POLE: variants seen among roughly 807,000 people sequenced by gnomAD.
POLE encodes the protein DNA polymerase epsilon catalytic subunit A.
POLE carries 188 observed loss-of-function variants against 279.2 expected under a neutral mutation model. The ratio of observed to expected loss-of-function variants is 0.67; its 90% CI spans 0.60 to 0.76. POLE has a LOEUF of 0.76. Ranked by LOEUF, POLE falls within the 30% of genes least tolerant of loss-of-function variation. The probability of loss-of-function intolerance (pLI) is 0.00; values close to 1 mark genes in which losing one functional copy is unlikely to be tolerated. For synonymous variants in POLE, 1,214 were observed against 1,172.5 expected, an observed-to-expected ratio of 1.04 and a Z score of -0.72; for missense variants, 2,703 against 3,016.7, an observed-to-expected ratio of 0.90 and a Z score of 2.44.
chr12:132,668,225 A>T lies in POLE; in HGVS notation c.2173+131T>A. The T allele has an allele frequency of 9.8e-7, 1 of 1,015,254 alleles. No individual in the cohort carries two copies. Among genetic ancestry groups the T allele is most frequent in the Non-Finnish European group, 1.4e-6 (1 of 712,940 alleles). 62.9% of individuals were successfully genotyped at this position (1,015,254 alleles called of 1,614,324 possible). ...GTGAGAGCACAGCTTACAGTGACCT[A>T]GAGCAGCTTCTGGTCTGCTGTGACA... On this transcript the variant is annotated intron_variant, in intron 19 of 48. Coordinates refer to ENST00000320574, the MANE Select transcript of POLE (RefSeq NM_006231.4). The surrounding 1 kb of genome is among the most constrained non-coding windows in gnomAD (Gnocchi z 4.0).
intron 29 of POLE, among the ~76,000 whole-genome samples, chr12:132,654,687 G>A (rs1345002838): frequency 6.6e-6 from 1 of 152,176 alleles, no homozygotes; most frequent in Non-Finnish European, 1.5e-5. Flanking sequence ...AGCTATGCAG[G>A]AGGCTGAGGC....
intron 39 of POLE, 85 bp downstream of exon 39, chr12:132,641,562 C>G (rs1180649378): frequency 2.6e-6 from 3 of 1,168,092 alleles, no homozygotes; most frequent in Non-Finnish European, 3.7e-6. Context: ...CCCAATGGAC[C>G]CTGTCTTAGA....
intron 30 of POLE, 53 bp from the exon 31 acceptor site, chr12:132,649,568 C>T (rs990871940): frequency 6.9e-5 from 111 of 1,599,210 alleles, no homozygotes; most frequent in Middle Eastern, 5.9e-4. Flanking sequence ...TGGGAATGCC[C>T]GCCATGACTT....
intron 16 of POLE, among the ~76,000 whole-genome samples, chr12:132,670,398 C>T (rs903791539): frequency 1.3e-5 from 2 of 151,510 alleles, no homozygotes; most frequent in Admixed American, 6.6e-5. Context: ...CGTCTCGCCA[C>T]CACGCCTGGG....
intron 25 of POLE, 82 bp from the exon 26 acceptor site, chr12:132,659,591 A>G (rs2042634542): frequency 8.4e-7 from 1 of 1,194,314 alleles, no homozygotes; most frequent in Non-Finnish European, 1.2e-6. Flanking sequence ...CCTCTAGGCC[A>G]TGCCCTTCTC....
chr12:132,658,379 C>T lies in POLE; in HGVS notation c.3276-409G>A, dbSNP rs5744878. 1.7e-4 allele frequency: 30 copies of T among 176,098 alleles called. No individual in the cohort carries two copies. The East Asian group carries it at 3.1e-3, about 18-fold the overall frequency. 10.9% of individuals were successfully genotyped at this position (176,098 alleles called of 1,614,324 possible). ...GTGCATGCACATACATAAACGCATG[C>T]GTGCGTAAACATGTCTACGTTTCTG... On this transcript the variant is annotated intron_variant, in intron 26 of 48. Transcript: ENST00000320574.
At chr12:132,672,923 T>C (rs747250329) in intron 14 of POLE, 84 bp from the exon 15 acceptor site, 6 of 1,272,812 alleles carry the variant, frequency 4.7e-6, no homozygotes, top group Non-Finnish European at 5.6e-6. Flanking sequence ...TAAGCTGAAC[T>C]TCAGTGTGAA....
chr12:132,642,147 C>A, intron 38 of POLE, 30 bp downstream of exon 38: 2 of 1,488,966 alleles, frequency 1.3e-6, no homozygotes, highest in Non-Finnish European at 9.1e-7. Context: ...CCAGCCAGGT[C>A]TCATGGGCCT....
At chr12:132,628,881 A>G (rs1593701931) in intron 45 of POLE, among the ~76,000 whole-genome samples, 2 of 152,086 alleles carry the variant, frequency 1.3e-5, no homozygotes, top group South Asian at 4.2e-4. Context: ...GTCAGAATCA[A>G]CTTCTTCCAC....
At chr12:132,638,230 G>T (rs1251865171) in intron 40 of POLE, 91 bp from the exon 41 acceptor site, 1 of 1,251,420 alleles carries the variant, frequency 8.0e-7, no homozygotes, top group Non-Finnish European at 1.1e-6. Context: ...AAAGAGCTGA[G>T]GGTCCTGAAG....
chr12:132,629,891 A>G (rs1278932671), intron 45 of POLE, among the ~76,000 whole-genome samples: 2 of 152,202 alleles, frequency 1.3e-5, no homozygotes, highest in Admixed American at 6.5e-5. Flanking sequence ...CTCTTTATGT[A>G]AAGTGAGAGA....
Position 132,634,064 on chromosome 12 carries a change from G to T in POLE, c.6004+122C>A. ...CGGCTCACAAAGTCCCAACTGCTGG[G>T]CAGGCTCCGCCCGATCTGATTTTCC... On this transcript the variant is annotated intron_variant, in intron 43 of 48. Coordinates refer to ENST00000320574, the MANE Select transcript of POLE (RefSeq NM_006231.4). The surrounding 1 kb of genome is among the most constrained non-coding windows in gnomAD (Gnocchi z 4.0). 1 of 899,622 alleles carries T rather than the reference G, an allele frequency of 1.1e-6. No homozygotes were observed. Among genetic ancestry groups the T allele is most frequent in the Non-Finnish European group, 1.7e-6 (1 of 583,344 alleles). The allele number at this position is 899,622 out of a possible 1,614,324, so 55.7% of individuals were successfully genotyped here.
chr12:132,651,727 C>T lies in POLE; in HGVS notation c.3583-1838G>A, dbSNP rs2042426722. On this transcript the variant is annotated intron_variant, in intron 29 of 48. Coordinates refer to ENST00000320574, the MANE Select transcript of POLE (RefSeq NM_006231.4). ...CAGCTATAAAACACTGTGGCTTCTG[C>T]CTGGCTGGCACTCTCTCAAAAGTCC... Among the ~76,000 whole-genome samples the T allele has an allele frequency of 9.8e-5, 15 of 152,334 alleles. 1 individual carries two copies. The South Asian group carries it at 3.1e-3, about 32-fold the overall frequency.
At chr12:132,666,922 T>C (rs2042809431) in intron 20 of POLE, among the ~76,000 whole-genome samples, 1 of 152,192 alleles carries the variant, frequency 6.6e-6, no homozygotes, top group South Asian at 2.1e-4. Context: ...AGCAGGGCAG[T>C]GCAGGATGCC....
chr12:132,685,834 G>T (rs992322233), intron 1 of POLE, among the ~76,000 whole-genome samples: 1 of 152,056 alleles, frequency 6.6e-6, no homozygotes, highest in Admixed American at 6.6e-5. Context: ...ATTTTGTTCA[G>T]CTAAGTGTCT....
At chr12:132,626,428 C>T (rs995730244) in intron 45 of POLE, 111 bp from the exon 46 acceptor site, 51 of 1,010,602 alleles carry the variant, frequency 5.0e-5, no homozygotes, top group Non-Finnish European at 6.7e-5. Flanking sequence ...GTCCTTTCCT[C>T]CCTTCCTTAG....
At chr12:132,681,842 C>T (rs577925491) in intron 1 of POLE, among the ~76,000 whole-genome samples, 6 of 152,282 alleles carry the variant, frequency 3.9e-5, no homozygotes, top group East Asian at 3.9e-4. Context: ...TAGCCAGACG[C>T]GGTGGCTCAT....
At chr12:132,663,512 G>T (rs2042724216) in intron 23 of POLE, among the ~76,000 whole-genome samples, 1 of 152,368 alleles carries the variant, frequency 6.6e-6, no homozygotes. Context: ...CAGAGGGGGA[G>T]GTCGTGACAC....
At chr12:132,674,285 C>T (rs1019687832) in intron 12 of POLE, among the ~76,000 whole-genome samples, 4 of 152,106 alleles carry the variant, frequency 2.6e-5, no homozygotes, top group East Asian at 1.9e-4. Context: ...GGGTCATGTC[C>T]GGTCTCCACC....
Sources: gnomAD v4.1 joint callset for allele counts (sites outside exome capture counted in the v4.1 genomes callset) on GRCh38, gnomAD v4.1.1 for gene constraint, Gnocchi (gnomAD v3.1) non-coding constraint, MANE v1.5 for transcripts, NCBI Gene and HGNC (gene_info 2026-07-23, HGNC 2026-07-21) for gene names.